The following PRKCSH variants were observed in gnomAD, a reference collection of about 807,000 sequenced individuals.
PRKCSH encodes glucosidase 2 subunit beta.
In PRKCSH, 42 loss-of-function variants were observed where a neutral mutation model predicts 79.7. The observed-to-expected ratio is 0.53, with a 90% CI of 0.41 to 0.68. PRKCSH has a LOEUF of 0.68. Among genes scored for constraint, PRKCSH ranks in the 30% least tolerant of loss-of-function variants. The probability of loss-of-function intolerance (pLI) is 0.00; values close to 1 mark genes in which losing one functional copy is unlikely to be tolerated. For synonymous variants in PRKCSH, 325 were observed against 288.2 expected, an observed-to-expected ratio of 1.13 and a Z score of -1.29; for missense variants, 686 against 709.0, an observed-to-expected ratio of 0.97 and a Z score of 0.37.
intron 7 of PRKCSH, among the ~76,000 whole-genome samples, chr19:11,444,302 C>T (rs541617864): frequency 6.6e-5 from 10 of 152,246 alleles, no homozygotes; most frequent in Admixed American, 6.5e-4. Flanking sequence ...CAGAGGGAAG[C>T]GCCATGTTTT....
chr19:11,441,814 T>C (rs145160100), intron 6 of PRKCSH, among the ~76,000 whole-genome samples: 1 of 152,282 alleles, frequency 6.6e-6, no homozygotes, highest in Non-Finnish European at 1.5e-5. Flanking sequence ...GCCTGTGTAC[T>C]GGGCAGGAGG....
chr19:11,437,783 G>A, intron 3 of PRKCSH, 93 bp from the exon 4 acceptor site: 1 of 1,050,328 alleles, frequency 9.5e-7, no homozygotes, highest in Non-Finnish European at 1.5e-6. Context: ...TGTGCTGTGT[G>A]CAGTGTGGGT....
intron 6 of PRKCSH, among the ~76,000 whole-genome samples, chr19:11,442,171 G>A (rs1280454050): frequency 6.6e-6 from 1 of 152,226 alleles, no homozygotes; most frequent in Non-Finnish European, 1.5e-5. Flanking sequence ...GAATCAGGCA[G>A]GGGCCTGATT....
Position 11,448,147 on chromosome 19 carries a change from C to T in PRKCSH, c.1127-75C>T. On this transcript the variant is annotated intron_variant, in intron 12 of 17. Transcript: ENST00000677123. This position sits in a 1 kb window ranked among gnomAD's most constrained non-coding sequence, Gnocchi z 4.4. Reference sequence around the variant, plus strand: ...AAATGAGGGTATGGGAGCACACAGCCACATCCATGGAACCCCGTTCCCCAT... The same window carrying T: ...AAATGAGGGTATGGGAGCACACAGCTACATCCATGGAACCCCGTTCCCCAT... The T allele has an allele frequency of 7.0e-7, 1 of 1,437,948 alleles. No homozygotes were observed. The highest frequency in any genetic ancestry group is 9.6e-7 in the Non-Finnish European group (1 of 1,044,518). The allele number at this position is 1,437,948 out of a possible 1,614,324, so 89.1% of individuals were successfully genotyped here.
chr19:11,441,061 C>CT (rs1970040491), intron 5 of PRKCSH, 179 bp from the exon 6 acceptor site: 1 of 690,090 alleles, frequency 1.4e-6, no homozygotes. Context: ...CACTGTTCCT[C>CT]TTTCAAGGAC....
intron 7 of PRKCSH, among the ~76,000 whole-genome samples, chr19:11,443,666 C>T (rs1970167649): frequency 6.6e-6 from 1 of 151,922 alleles, no homozygotes; most frequent in South Asian, 2.1e-4. Context: ...GCTGAGATCT[C>T]GCCACTGCAC....
chr19:11,445,484 C>G lies in PRKCSH; in HGVS notation c.683+11C>G. 6.2e-7 allele frequency: 1 copy of G among 1,613,170 alleles called. No individual in the cohort carries two copies. Among genetic ancestry groups the G allele is most frequent in the Admixed American group, 1.7e-5 (1 of 60,002 alleles). Reference sequence around the variant, plus strand: ...TGACATGGACGGGACGTGAGTGTCCCCTAGTTGGAGCTGCCCACCTTTCCG... The same window carrying G: ...TGACATGGACGGGACGTGAGTGTCCGCTAGTTGGAGCTGCCCACCTTTCCG... On this transcript the variant is annotated intron_variant, in intron 8 of 17. Transcript: ENST00000677123.
intron 6 of PRKCSH, among the ~76,000 whole-genome samples, chr19:11,442,146 G>A (rs780587072): frequency 1.3e-5 from 2 of 152,328 alleles, no homozygotes; most frequent in Admixed American, 1.3e-4. Flanking sequence ...TAGGGATGGG[G>A]CAAATGGGGC....
intron 3 of PRKCSH, among the ~76,000 whole-genome samples, 159 bp from the exon 4 acceptor site, chr19:11,437,717 G>A (rs760633416): frequency 8.5e-5 from 13 of 152,282 alleles, no homozygotes; most frequent in African/African-American, 1.4e-4. Context: ...GCTTTATTTC[G>A]AGCCCTGGCT....
chr19:11,447,371 G>A lies in PRKCSH; in HGVS notation c.850-68G>A. 3.2e-6 allele frequency: 5 copies of A among 1,543,472 alleles called. No homozygotes were observed. Among genetic ancestry groups the A allele is most frequent in the Non-Finnish European group, 3.6e-6 (4 of 1,123,378 alleles). On this transcript the variant is annotated intron_variant, in intron 10 of 17. Coordinates refer to ENST00000677123, the MANE Select transcript of PRKCSH (RefSeq NM_001289104.2). This position sits in a 1 kb window ranked among gnomAD's most constrained non-coding sequence, Gnocchi z 5.6. Reference sequence around the variant, plus strand: ...AGACACCGAGGCTGCCCCTTGGGCTGTGGTGTGAGCCTGAGGGTGTGGGTG... The same window carrying A: ...AGACACCGAGGCTGCCCCTTGGGCTATGGTGTGAGCCTGAGGGTGTGGGTG...
rs1970412871 is a variant in PRKCSH, at chr19:11,448,192, G to A, written c.1127-30G>A. The A allele has an allele frequency of 1.9e-6, 3 of 1,550,380 alleles. No homozygotes were observed. The highest frequency in any genetic ancestry group is 1.7e-6 in the Non-Finnish European group (2 of 1,145,514). Reference sequence around the variant, plus strand: ...CCCCATCCTCCTGGATGGGGTTGAGGACATCTCTGACCTCCAACCCCTCTC... The same window carrying A: ...CCCCATCCTCCTGGATGGGGTTGAGAACATCTCTGACCTCCAACCCCTCTC... On this transcript the variant is annotated intron_variant, in intron 12 of 17. Transcript: ENST00000677123. This position sits in a 1 kb window ranked among gnomAD's most constrained non-coding sequence, Gnocchi z 4.4.
rs1453009885 is a variant in PRKCSH at position 11,437,943 on chromosome 19, C to T, written c.264C>T (p.Pro88=). 1.2e-6 allele frequency: 2 copies of T among 1,614,160 alleles called. No homozygotes were observed. The highest frequency in any genetic ancestry group is 1.7e-6 in the Non-Finnish European group (2 of 1,180,016). ...TNTGYKPLYI[P]SNRVNDGVCD... ...CTGGCTATAAGCCCCTGTATATCCC[C>T]TCCAACCGGGTCAACGATGGTGTTT... The change falls in exon 4 of 18, where the codon CCC becomes CCT. Residue 88 remains proline, a synonymous_variant. Coordinates refer to ENST00000677123, the MANE Select transcript of PRKCSH (RefSeq NM_001289104.2).
At chr19:11,440,473 G>A (rs913486626) in intron 5 of PRKCSH, among the ~76,000 whole-genome samples, 5 of 151,212 alleles carry the variant, frequency 3.3e-5, no homozygotes, top group Non-Finnish European at 5.9e-5. Flanking sequence ...TTGAGTTAGA[G>A]TCTCGCTCTG....
intron 5 of PRKCSH, among the ~76,000 whole-genome samples, chr19:11,439,126 C>T (rs879426228): frequency 6.6e-5 from 10 of 152,182 alleles, no homozygotes; most frequent in South Asian, 4.1e-4. Flanking sequence ...AGGCTGGCCT[C>T]GAACGCCTGA....
chr19:11,441,810 G>A (rs1352425628), intron 6 of PRKCSH, among the ~76,000 whole-genome samples: 1 of 152,192 alleles, frequency 6.6e-6, no homozygotes, highest in African/African-American at 2.4e-5. Flanking sequence ...CCTTGCCTGT[G>A]TACTGGGCAG....
rs1482380002 is a variant in PRKCSH, at chr19:11,449,933, C to T, written c.*16+505C>T. The T allele has an allele frequency of 1.7e-5, 3 of 179,042 alleles. No homozygotes were observed. Among genetic ancestry groups the T allele is most frequent in the South Asian group, 1.2e-4 (1 of 8,534 alleles). 11.1% of individuals were successfully genotyped at this position (179,042 alleles called of 1,614,324 possible). On this transcript the variant is annotated intron_variant, in intron 17 of 17. Transcript: ENST00000677123. The surrounding 1 kb of genome is among the most constrained non-coding windows in gnomAD (Gnocchi z 6.4). ...GATCTCGGCTCACTGCAACCTCCACCTCCTGGGTGCAAGCAATTCTCCTGC... is the reference window on the plus strand; with the variant it reads ...GATCTCGGCTCACTGCAACCTCCACTTCCTGGGTGCAAGCAATTCTCCTGC...
At position 11,448,643 on chromosome 19, in the gene PRKCSH, A is replaced by G. The variant is rs150798392; in HGVS notation, c.1286+14A>G. On this transcript the variant is annotated intron_variant, in intron 14 of 17. Transcript: ENST00000677123. The surrounding 1 kb of genome is among the most constrained non-coding windows in gnomAD (Gnocchi z 4.4). Reference sequence around the variant, plus strand: ...CACCACCAACGAGTGCGTCCCAGGAATGCAGGGGCCCCCACTGGCAGGGTG... The same window carrying G: ...CACCACCAACGAGTGCGTCCCAGGAGTGCAGGGGCCCCCACTGGCAGGGTG... 11,894 of 1,612,458 alleles carry G rather than the reference A, an allele frequency of 7.4e-3. 60 individuals are homozygous for G. The highest frequency in any genetic ancestry group is 0.013 in the South Asian group (1,180 of 91,048).
At position 11,436,517 on chromosome 19, in the gene PRKCSH, C is replaced by T. The variant is rs956712736; in HGVS notation, c.196+12C>T. The T allele has an allele frequency of 6.3e-7, 1 of 1,587,196 alleles. No homozygotes were observed. The highest frequency in any genetic ancestry group is 8.6e-7 in the Non-Finnish European group (1 of 1,157,406). On this transcript the variant is annotated intron_variant, in intron 3 of 17. Coordinates refer to ENST00000677123, the MANE Select transcript of PRKCSH (RefSeq NM_001289104.2). Reference sequence around the variant, plus strand: ...CTCTGACGAGCCAGGTGAGCCTTTTCTCTGTTCATCCATCAGATGTTTATT... The same window carrying T: ...CTCTGACGAGCCAGGTGAGCCTTTTTTCTGTTCATCCATCAGATGTTTATT...
At chr19:11,450,434 G>A (rs1970556552) in intron 17 of PRKCSH, 1 of 151,808 alleles carries the variant, frequency 6.6e-6, no homozygotes, top group South Asian at 2.1e-4. Flanking sequence ...CCAAGATCAT[G>A]CTACTGCACT....
Sources: gnomAD v4.1 joint callset for allele counts (sites outside exome capture counted in the v4.1 genomes callset) on GRCh38, gnomAD v4.1.1 for gene constraint, Gnocchi (gnomAD v3.1) non-coding constraint, MANE v1.5 for transcripts, NCBI Gene and HGNC (gene_info 2026-07-23, HGNC 2026-07-21) for gene names.